Variants in LAMA2 observed in about 807,000 individuals in gnomAD.
LAMA2 encodes the protein laminin subunit alpha 2.
LAMA2 carries 269 observed loss-of-function variants against 364.8 expected under a neutral mutation model. That is an observed-to-expected ratio of 0.74 (90% CI 0.67 to 0.82). The LOEUF is 0.82. Ranked by LOEUF, LAMA2 falls within the 40% of genes least tolerant of loss-of-function variation. LAMA2 has a pLI of 0.00. For missense variants in LAMA2, 3,807 were observed against 3,873.2 expected (o/e 0.98, Z 0.45); for synonymous variants, 1,379 against 1,370.6 (o/e 1.01, Z -0.14).
At chr6:128,929,836 G>T in intron 1 of LAMA2, 3 of 1,031,496 alleles carry the variant, frequency 2.9e-6, no homozygotes, top group South Asian at 2.6e-5. Context: ...GCAGTCCCTT[G>T]TAAGTGAAAA....
intron 34 of LAMA2, among the ~76,000 whole-genome samples, chr6:129,373,564 TG>T (rs1375756085): frequency 2.6e-5 from 4 of 152,192 alleles, no homozygotes; most frequent in South Asian, 4.1e-4. Flanking sequence ...GTTTACTGAA[TG>T]TTTTTTTACT....
chr6:129,245,126 T>C (rs2115165687), intron 12 of LAMA2, among the ~76,000 whole-genome samples: 1 of 152,218 alleles, frequency 6.6e-6, no homozygotes, highest in Non-Finnish European at 1.5e-5. Flanking sequence ...TGAATCTCCC[T>C]GAAGAGAATT....
intron 31 of LAMA2, among the ~76,000 whole-genome samples, chr6:129,350,607 T>C (rs1420141283): frequency 6.6e-6 from 1 of 152,236 alleles, no homozygotes; most frequent in Admixed American, 6.5e-5. Context: ...CCTGAAATCA[T>C]ACCCTTGATT....
intron 1 of LAMA2, among the ~76,000 whole-genome samples, chr6:128,972,325 C>T (rs112346570): frequency 1.3e-5 from 2 of 152,084 alleles, no homozygotes; most frequent in Non-Finnish European, 2.9e-5. Flanking sequence ...AAACCTTGAC[C>T]TTGTTCTTTG....
At chr6:129,177,998 G>T (rs1233648042) in intron 10 of LAMA2, 132 bp downstream of exon 10, 3 of 926,494 alleles carry the variant, frequency 3.2e-6, no homozygotes, top group Non-Finnish European at 5.1e-6. Flanking sequence ...TCTACGTGTG[G>T]TGACCCACCA....
In LAMA2 at chr6:129,315,511, G is replaced by C. The variant is rs753009207; in HGVS notation, c.3591G>C (p.Leu1197=). 6.2e-6 allele frequency: 10 copies of C among 1,614,096 alleles called. No homozygotes were observed. The highest frequency in any genetic ancestry group is 5.5e-5 in the South Asian group (5 of 91,080). The part of the protein sequence containing the change: ...TLKAEQTILP[L]VDEALQHTTT... ...AGGCTGAGCAGACCATTCTACCCCT[G>C]GTAGATGAGGCTCTGCAGCACACGA... The change falls in exon 25 of 65, where the codon CTG becomes CTC. Residue 1197 remains leucine (L), a synonymous_variant. Transcript: ENST00000421865.
chr6:129,300,875 G>A lies in LAMA2; in HGVS notation c.3174+3G>A. The A allele has an allele frequency of 6.2e-7, 1 of 1,613,678 alleles. No homozygotes were observed. The highest frequency in any genetic ancestry group is 8.5e-7 in the Non-Finnish European group (1 of 1,179,636). On this transcript the variant is annotated splice_donor_region_variant and intron_variant, in intron 22 of 64. Coordinates refer to ENST00000421865, the MANE Select transcript of LAMA2 (RefSeq NM_000426.4). ...ACAGCATTACCACTGGTTGTAAGGTGAGTGAACCACTTTTTTGCTCTGATA... is the reference window on the plus strand; with the variant it reads ...ACAGCATTACCACTGGTTGTAAGGTAAGTGAACCACTTTTTTGCTCTGATA...
chr6:129,365,995 G>A (rs541283159), intron 32 of LAMA2, among the ~76,000 whole-genome samples: 22 of 151,962 alleles, frequency 1.4e-4, no homozygotes, highest in South Asian at 6.2e-4. Flanking sequence ...TTATATTATC[G>A]CCTCTATTTC....
intron 1 of LAMA2, among the ~76,000 whole-genome samples, chr6:128,935,034 T>G (rs908825474): frequency 6.6e-6 from 1 of 152,186 alleles, no homozygotes; most frequent in Non-Finnish European, 1.5e-5. Flanking sequence ...TATTCGTATA[T>G]ATTTCATTAT....
intron 1 of LAMA2, among the ~76,000 whole-genome samples, chr6:129,034,036 A>G (rs1786429196): frequency 6.6e-6 from 1 of 152,142 alleles, no homozygotes; most frequent in Admixed American, 6.6e-5. Flanking sequence ...TGCAAATTGT[A>G]AAGACTGAAA....
At chr6:129,153,064 G>A (rs1263794855) in intron 7 of LAMA2, among the ~76,000 whole-genome samples, 1 of 152,070 alleles carries the variant, frequency 6.6e-6, no homozygotes, top group Non-Finnish European at 1.5e-5. Context: ...AGACTGCATC[G>A]ATATATTTCC....
In LAMA2 at chr6:129,393,081, G is replaced by C. The variant is rs745663593; in HGVS notation, c.5271G>C (p.Leu1757=). 5.0e-6 allele frequency: 8 copies of C among 1,613,862 alleles called. No individual in the cohort carries two copies. The highest frequency in any genetic ancestry group is 2.7e-5 in the African/African-American group (2 of 74,904). Residue 1757 remains leucine (L), a synonymous_variant, in exon 37 of 65, where the codon CTG becomes CTC. Coordinates refer to ENST00000421865, the MANE Select transcript of LAMA2 (RefSeq NM_000426.4). ...AEALLKKVKK[L]FGESRGENEE... is the part of the protein sequence containing the mutation. ...CCCTTCTGAAAAAAGTGAAGAAGCT[G>C]TTTGGAGAGTCCCGGGGGGAAAATG...
intron 2 of LAMA2, among the ~76,000 whole-genome samples, chr6:129,054,237 T>C (rs7763974): frequency 0.5 from 76,306 of 152,016 alleles, 21,186 homozygotes; most frequent in East Asian, 0.81. Flanking sequence ...CAGAATAAAG[T>C]GGCAATTCCA....
chr6:129,426,103 T>A (rs938830535), intron 40 of LAMA2, among the ~76,000 whole-genome samples: 6 of 152,174 alleles, frequency 3.9e-5, no homozygotes, highest in African/African-American at 1.4e-4. Flanking sequence ...TTTACCACAA[T>A]AAGGTTGGCA....
At chr6:128,977,422 AACTAATTTATTTTTGTTTTTCATAG>A (rs1782604254) in intron 1 of LAMA2, among the ~76,000 whole-genome samples, 1 of 151,672 alleles carries the variant, frequency 6.6e-6, no homozygotes, top group African/African-American at 2.4e-5. Flanking sequence ...CACCATGCCC[AACTAATTTATTTTTGTTTTTCATAG>A]AGATGAGGTC....
At chr6:129,200,367 C>CGTATACACATATACAT (rs1472859205) in intron 12 of LAMA2, among the ~76,000 whole-genome samples, 1,468 of 120,836 alleles carry the variant, frequency 0.012, 159 homozygotes, top group Non-Finnish European at 0.017. Context: ...TACATATACA[C>CGTATACACATATACAT]GTGTATGTGT....
intron 56 of LAMA2, among the ~76,000 whole-genome samples, chr6:129,487,478 GA>G (rs1784650015): frequency 6.6e-6 from 1 of 152,144 alleles, no homozygotes; most frequent in African/African-American, 2.4e-5. Flanking sequence ...TTATCAGACT[GA>G]AGACATAGAA....
chr6:128,979,402 G>GA (rs890532500), intron 1 of LAMA2, among the ~76,000 whole-genome samples: 73 of 148,996 alleles, frequency 4.9e-4, no homozygotes, highest in East Asian at 1.2e-3. Context: ...ATCGGGTTAG[G>GA]AAAAAAAAAA....
At chr6:128,960,346 T>G (rs2114590913) in intron 1 of LAMA2, among the ~76,000 whole-genome samples, 1 of 149,150 alleles carries the variant, frequency 6.7e-6, no homozygotes, top group East Asian at 2.0e-4. Flanking sequence ...TTTTTTCCTT[T>G]TTTTTTTTTG....
Sources: allele counts gnomAD v4.1 joint callset (sites outside exome capture counted in the v4.1 genomes callset), GRCh38; gene constraint gnomAD v4.1.1; transcripts MANE v1.5; gene names NCBI Gene and HGNC (gene_info 2026-07-23, HGNC 2026-07-21).